Variants in DDX19B observed in about 807,000 individuals in gnomAD.
The protein encoded by DDX19B is DEAD-box helicase 19B, also known as ATP-dependent RNA helicase DDX19B.
A neutral mutation model predicts 58.1 loss-of-function variants in DDX19B; 27 were observed. The observed-to-expected ratio is 0.46, with a 90% confidence interval of 0.34 to 0.64. The LOEUF (loss-of-function observed/expected upper bound fraction) is 0.64. DDX19B is among the 30% of genes least tolerant of loss of function. DDX19B has a pLI of 0.01. For synonymous variants in DDX19B, 187 were observed against 214.4 expected, an observed-to-expected ratio of 0.87 and a Z score of 1.12; for missense variants, 399 against 596.5, an observed-to-expected ratio of 0.67 and a Z score of 3.45.
intron 5 of DDX19B, among the ~76,000 whole-genome samples, chr16:70,323,492 C>T (rs1157478011): frequency 2.0e-5 from 3 of 150,766 alleles, no homozygotes; most frequent in Admixed American, 6.7e-5. Flanking sequence ...GGCGCGATCT[C>T]GGCTCACTGC....
chr16:70,318,300 G>A (rs1424142941), intron 5 of DDX19B, among the ~76,000 whole-genome samples: 9 of 151,786 alleles, frequency 5.9e-5, no homozygotes, highest in African/African-American at 1.5e-4. Flanking sequence ...CTTGAACCCC[G>A]GAGGTGGAGG....
chr16:70,293,956 A>G (rs1961127975), upstream of DDX19B, among the ~76,000 whole-genome samples: 1 of 151,932 alleles, frequency 6.6e-6, no homozygotes, highest in Non-Finnish European at 1.5e-5. Flanking sequence ...TCAATTGAGC[A>G]TATTATAATT....
intron 1 of DDX19B, among the ~76,000 whole-genome samples, chr16:70,309,567 C>T (rs908929770): frequency 6.6e-6 from 1 of 151,004 alleles, no homozygotes; most frequent in African/African-American, 2.4e-5. Context: ...CGCCTGTAAT[C>T]CCAGCACTTT....
At chr16:70,314,688 A>ATATC (rs199580957) in intron 2 of DDX19B, 11,060 of 225,894 alleles carry the variant, frequency 0.049, 1,298 homozygotes, top group African/African-American at 0.29. Flanking sequence ...AATAAAATAA[A>ATATC]TATCTATCTA....
intron 1 of DDX19B, among the ~76,000 whole-genome samples, chr16:70,304,943 G>A (rs1961681554): frequency 1.3e-5 from 2 of 152,048 alleles, no homozygotes; most frequent in East Asian, 1.9e-4. Flanking sequence ...TCATTTGGAG[G>A]ATATTTTTCT....
At chr16:70,299,116 C>T (rs776743337), upstream of DDX19B, 16 of 1,336,826 alleles carry the variant, frequency 1.2e-5, no homozygotes, top group Non-Finnish European at 1.3e-5. Flanking sequence ...GAATCGACAG[C>T]CTCAAGTGGG....
rs749665644 is a variant in DDX19B, at chr16:70,312,596, A to C, written c.58-13A>C. On this transcript the variant is annotated splice_polypyrimidine_tract_variant and intron_variant, in intron 1 of 11. Transcript: ENST00000288071. Reference sequence around the variant, plus strand: ...TCCTGACACTTTCCCCCTCCCCCATATTCTCCATTTAGTTGAGCAACTTGC... The same window carrying C: ...TCCTGACACTTTCCCCCTCCCCCATCTTCTCCATTTAGTTGAGCAACTTGC... 6.2e-7 allele frequency: 1 copy of C among 1,612,294 alleles called. No individual in the cohort carries two copies. Among genetic ancestry groups the C allele is most frequent in the Non-Finnish European group, 8.5e-7 (1 of 1,178,712 alleles).
chr16:70,296,432 G>A (rs570288406), upstream of DDX19B, among the ~76,000 whole-genome samples: 20 of 152,012 alleles, frequency 1.3e-4, no homozygotes, highest in East Asian at 7.7e-4. Flanking sequence ...CCACTGCTCC[G>A]GTCTTCTTAG....
intron 5 of DDX19B, among the ~76,000 whole-genome samples, chr16:70,321,542 G>A (rs1318685226): frequency 1.3e-5 from 2 of 152,098 alleles, no homozygotes; most frequent in Non-Finnish European, 2.9e-5. Flanking sequence ...TACTATGCTA[G>A]GCACTTGGAT....
Position 70,329,560 on chromosome 16 carries a change from G to C in DDX19B, c.785+91G>C, listed in dbSNP as rs1286249106. 3.2e-6 allele frequency: 5 copies of C among 1,565,842 alleles called. No homozygotes were observed. In the African/African-American group the frequency reaches 4.1e-5, roughly 13 times the overall value. On this transcript the variant is annotated intron_variant, in intron 8 of 11. Transcript: ENST00000288071. ...AGATGCCTCCTCTGGCTTCTGCCTGGGTCTTGGCTCTCGTACTCTCAGCAG... is the reference window on the plus strand; with the variant it reads ...AGATGCCTCCTCTGGCTTCTGCCTGCGTCTTGGCTCTCGTACTCTCAGCAG...
chr16:70,331,679 T>A (rs1354726821), intron 9 of DDX19B, 43 bp from the exon 10 acceptor site: 2 of 1,592,430 alleles, frequency 1.3e-6, no homozygotes, highest in African/African-American at 2.7e-5. Context: ...TTCCTTTTGT[T>A]TTTAACAGGT....
rs1247036598 is a variant in DDX19B, at chr16:70,333,162, G to A, written c.1378+3G>A. The A allele has an allele frequency of 7.1e-7, 1 of 1,400,014 alleles. No individual in the cohort carries two copies. The highest frequency in any genetic ancestry group is 2.5e-5 in the East Asian group (1 of 40,014). The allele number at this position is 1,400,014 out of a possible 1,614,324, so 86.7% of individuals were successfully genotyped here. A position where few individuals can be genotyped will look rare whatever the true frequency, so the allele number is the denominator to read the frequency against. ...GAACAGAATCCAGGAGCATTTTAGTGAGTCCCGGGGAGGGTCCTGTGCCTG... is the reference window on the plus strand; with the variant it reads ...GAACAGAATCCAGGAGCATTTTAGTAAGTCCCGGGGAGGGTCCTGTGCCTG... On this transcript the variant is annotated splice_donor_region_variant and intron_variant, in intron 11 of 11. Coordinates refer to ENST00000288071, the MANE Select transcript of DDX19B (RefSeq NM_007242.7).
chr16:70,294,954 T>C, upstream of DDX19B: 2 of 1,468,094 alleles, frequency 1.4e-6, no homozygotes, highest in Non-Finnish European at 1.8e-6. Flanking sequence ...GACCCTTTCC[T>C]CCCACGTTTA....
intron 1 of DDX19B, among the ~76,000 whole-genome samples, chr16:70,307,401 C>G (rs934566647): frequency 6.6e-6 from 1 of 152,270 alleles, no homozygotes; most frequent in South Asian, 2.1e-4. Context: ...CTCGCACTGT[C>G]TCCCAGGCTG....
chr16:70,317,363 A>T, intron 4 of DDX19B, 133 bp from the exon 5 acceptor site: 1 of 595,836 alleles, frequency 1.7e-6, no homozygotes, highest in Non-Finnish European at 2.8e-6. Context: ...CCTGGGCAAT[A>T]GATCGAGACT....
chr16:70,319,648 T>TGA (rs912596160), intron 5 of DDX19B: 2 of 151,474 alleles, frequency 1.3e-5, no homozygotes, highest in Non-Finnish European at 2.9e-5. Context: ...CCCAATACTT[T>TGA]GAGAGGCCGA....
chr16:70,326,854 A>C (rs1019638035), intron 7 of DDX19B, among the ~76,000 whole-genome samples: 2 of 141,840 alleles, frequency 1.4e-5, no homozygotes, highest in Non-Finnish European at 3.1e-5. Flanking sequence ...TTTTTTTTTG[A>C]GAGAGAGTCT....
chr16:70,295,184 C>A (rs774529275), upstream of DDX19B: 218 of 790,644 alleles, frequency 2.8e-4, no homozygotes, highest in Non-Finnish European at 2.0e-4. Flanking sequence ...CTTCTTTCCA[C>A]GCCCGCTTTG....
At chr16:70,292,305 AT>A (rs71387512), upstream of DDX19B, among the ~76,000 whole-genome samples, 249 of 151,052 alleles carry the variant, frequency 1.6e-3, no homozygotes, top group African/African-American at 6.0e-3. Context: ...ACGCCCAGTT[AT>A]TTTTTTTTCT....
Sources: allele counts gnomAD v4.1 joint callset (sites outside exome capture counted in the v4.1 genomes callset), GRCh38; gene constraint gnomAD v4.1.1; transcripts MANE v1.5; gene names NCBI Gene and HGNC (gene_info 2026-07-23, HGNC 2026-07-21).